RNLS: variants seen among roughly 807,000 people sequenced by gnomAD.
RNLS encodes the protein renalase.
RNLS carries 39 observed loss-of-function variants against 39.8 expected under a neutral mutation model. That is an observed-to-expected ratio of 0.98 (90% confidence interval 0.76 to 1.28). The LOEUF (loss-of-function observed/expected upper bound fraction) is 1.28. RNLS is among the 50% of genes most tolerant of loss of function. The pLI, the probability that RNLS is intolerant of heterozygous loss-of-function variation, is 0.00. For missense variants in RNLS, 410 were observed against 413.3 expected (o/e 0.99, Z 0.07); for synonymous variants, 147 against 150.7 (o/e 0.98, Z 0.18).
chr10:88,541,066 A>T (rs1027155304), intron 4 of RNLS, among the ~76,000 whole-genome samples: 7 of 152,016 alleles, frequency 4.6e-5, no homozygotes, highest in African/African-American at 7.2e-5. Context: ...AAAAAATGTC[A>T]ACTTCTACCA....
At chr10:88,295,125 G>A (rs987544921) in intron 6 of RNLS, among the ~76,000 whole-genome samples, 1 of 152,044 alleles carries the variant, frequency 6.6e-6, no homozygotes, top group Non-Finnish European at 1.5e-5. Flanking sequence ...ATATACATAT[G>A]AAATATATTT....
At chr10:88,420,809 CTA>C (rs2133756382) in intron 4 of RNLS, among the ~76,000 whole-genome samples, 2 of 152,322 alleles carry the variant, frequency 1.3e-5, no homozygotes, top group South Asian at 4.1e-4. Flanking sequence ...GGCGCTAATG[CTA>C]TGTTTGAATT....
intron 3 of RNLS, among the ~76,000 whole-genome samples, chr10:88,579,227 T>C (rs898331309): frequency 2.0e-5 from 3 of 152,134 alleles, no homozygotes; most frequent in Non-Finnish European, 4.4e-5. Flanking sequence ...CTGTCTAGAT[T>C]CTTCTTGTCC....
intron 4 of RNLS, among the ~76,000 whole-genome samples, chr10:88,472,756 G>A (rs892241648): frequency 3.3e-5 from 5 of 152,144 alleles, no homozygotes; most frequent in African/African-American, 7.2e-5. Context: ...GGGGGAGCTT[G>A]TTGACAAAGC....
intron 4 of RNLS, among the ~76,000 whole-genome samples, chr10:88,494,833 A>G (rs180917281): frequency 3.0e-3 from 464 of 152,234 alleles, no homozygotes; most frequent in Non-Finnish European, 5.1e-3. Context: ...CTTTTAAATT[A>G]AACAGTTCAG....
chr10:88,452,670 G>A (rs569186135), intron 4 of RNLS, among the ~76,000 whole-genome samples: 1 of 152,178 alleles, frequency 6.6e-6, no homozygotes, highest in South Asian at 2.1e-4. Flanking sequence ...AACACAATAA[G>A]AAGCCCATTA....
intron 4 of RNLS, among the ~76,000 whole-genome samples, chr10:88,544,035 C>T (rs1848173623): frequency 6.6e-6 from 1 of 152,164 alleles, no homozygotes. Context: ...CAGGCTCAGT[C>T]ACTTATAAGC....
chr10:88,324,703 C>T (rs763203522), intron 5 of RNLS, among the ~76,000 whole-genome samples: 1 of 152,108 alleles, frequency 6.6e-6, no homozygotes, highest in South Asian at 2.1e-4. Context: ...ACAGGTGCCA[C>T]CTGAATTTAT....
chr10:88,426,327 A>G (rs1490565170), intron 4 of RNLS, among the ~76,000 whole-genome samples: 2 of 152,108 alleles, frequency 1.3e-5, no homozygotes, highest in African/African-American at 2.4e-5. Context: ...CACAGAATAG[A>G]GGCCAAGGAG....
At chr10:88,386,662 AGGGT>A (rs890200401) in intron 4 of RNLS, among the ~76,000 whole-genome samples, 20 of 152,310 alleles carry the variant, frequency 1.3e-4, no homozygotes, top group South Asian at 4.1e-4. Context: ...TCCTCTGAAA[AGGGT>A]GGATTTCTAG....
At chr10:88,361,675 T>C (rs116515376) in intron 5 of RNLS, among the ~76,000 whole-genome samples, 1,577 of 152,346 alleles carry the variant, frequency 0.01, 28 homozygotes, top group African/African-American at 0.036. Flanking sequence ...AGCCCAGTTC[T>C]ATCATTATGA....
chr10:88,444,798 C>T (rs1350724517), intron 4 of RNLS, among the ~76,000 whole-genome samples: 4 of 152,098 alleles, frequency 2.6e-5, no homozygotes, highest in African/African-American at 9.7e-5. Flanking sequence ...ATGAACAAAG[C>T]CTCCAAGAAA....
chr10:88,553,080 C>T (rs1007164624), intron 4 of RNLS, among the ~76,000 whole-genome samples: 2 of 152,124 alleles, frequency 1.3e-5, no homozygotes, highest in Non-Finnish European at 2.9e-5. Flanking sequence ...AACTAAAATT[C>T]TCCATAGGAA....
chr10:88,299,574 A>C lies in RNLS; in HGVS notation c.877-14068T>G, dbSNP rs1398640243. Among the ~76,000 whole-genome samples, 3 of 152,220 alleles carry C rather than the reference A, an allele frequency of 2.0e-5. No individual in the cohort carries two copies. The East Asian group carries it at 5.8e-4, about 29-fold the overall frequency. On this transcript the variant is annotated intron_variant, in intron 6 of 6. Coordinates refer to ENST00000331772, the MANE Select transcript of RNLS (RefSeq NM_001031709.3). Reference sequence around the variant, plus strand: ...CGTGAGGTGGAGGTTGCAGTGAGCCAAGATTGTGCCACTGTACTCCAGCCT... The same window carrying C: ...CGTGAGGTGGAGGTTGCAGTGAGCCCAGATTGTGCCACTGTACTCCAGCCT...
chr10:88,480,787 T>TTGTGTGTGTGTG (rs60584908), intron 4 of RNLS, among the ~76,000 whole-genome samples: 101 of 147,640 alleles, frequency 6.8e-4, no homozygotes, highest in East Asian at 1.6e-3. Flanking sequence ...TCCTGTGTCT[T>TTGTGTGTGTGTG]TGTGTGTGTG....
At chr10:88,551,445 T>C (rs963520991) in intron 4 of RNLS, among the ~76,000 whole-genome samples, 2 of 152,210 alleles carry the variant, frequency 1.3e-5, no homozygotes, top group African/African-American at 2.4e-5. Flanking sequence ...GGCCTGTCCA[T>C]GGACTAATAG....
At chr10:88,209,090 A>G in the RNLS span, among the ~76,000 whole-genome samples, 556 of 152,290 alleles carry the variant, frequency 3.7e-3, 4 homozygotes, top group Non-Finnish European at 6.8e-3. Flanking sequence ...AACATATCCG[A>G]AACTCTTCTT....
the RNLS span, among the ~76,000 whole-genome samples, chr10:88,245,857 T>C: frequency 6.6e-6 from 1 of 152,154 alleles, no homozygotes; most frequent in Non-Finnish European, 1.5e-5. Flanking sequence ...GATTTGGAAA[T>C]CACGTAACAG....
intron 5 of RNLS, among the ~76,000 whole-genome samples, chr10:88,317,751 G>A (rs1413790439): frequency 6.6e-6 from 1 of 152,134 alleles, no homozygotes; most frequent in Non-Finnish European, 1.5e-5. Context: ...GAATGGACAA[G>A]TTCCAAATGC....
Sources: allele counts gnomAD v4.1 joint callset (sites outside exome capture counted in the v4.1 genomes callset), GRCh38; gene constraint gnomAD v4.1.1; transcripts MANE v1.5; gene names NCBI Gene and HGNC (gene_info 2026-07-23, HGNC 2026-07-21).